The following TRIO variants were observed in gnomAD, a reference collection of about 807,000 sequenced individuals.
TRIO encodes the protein triple functional domain protein.
In TRIO, 58 loss-of-function variants were observed where a neutral mutation model predicts 351.9. The ratio of observed to expected loss-of-function variants is 0.16; its 90% confidence interval spans 0.13 to 0.21. TRIO has a LOEUF of 0.21. Ranked by LOEUF, TRIO falls within the 10% of genes least tolerant of loss-of-function variation. The probability of loss-of-function intolerance (pLI) is 1.00; values close to 1 mark genes in which losing one functional copy is unlikely to be tolerated. For missense variants in TRIO, 3,201 were observed against 4,027.8 expected (o/e 0.79, Z 5.56); for synonymous variants, 1,758 against 1,595.7 (o/e 1.10, Z -2.42).
intron 9 of TRIO, among the ~76,000 whole-genome samples, chr5:14,328,251 G>A (rs754899523): frequency 7.9e-5 from 12 of 152,084 alleles, no homozygotes; most frequent in Non-Finnish European, 1.8e-4. Flanking sequence ...AAAACAATGT[G>A]CAAGTTAAAA....
chr5:14,147,254 G>C (rs544913729), intron 1 of TRIO, among the ~76,000 whole-genome samples: 1 of 152,312 alleles, frequency 6.6e-6, no homozygotes, highest in South Asian at 2.1e-4. Context: ...TTGCCCCCCA[G>C]AGTGGAACTT....
At chr5:14,458,689 G>T (rs528508646) in intron 34 of TRIO, among the ~76,000 whole-genome samples, 1 of 152,216 alleles carries the variant, frequency 6.6e-6, no homozygotes, top group East Asian at 1.9e-4. Context: ...GCAGTGCAGG[G>T]TTCTGCTAGC....
At chr5:14,316,383 A>G (rs956120971) in intron 8 of TRIO, 130 bp from the exon 9 acceptor site, 10 of 839,824 alleles carry the variant, frequency 1.2e-5, no homozygotes, top group South Asian at 1.8e-5. Flanking sequence ...ATGTCTGGGC[A>G]TGTGTGTAAT....
intron 1 of TRIO, among the ~76,000 whole-genome samples, chr5:14,146,449 TTTC>T (rs1787529261): frequency 6.6e-6 from 1 of 152,240 alleles, no homozygotes; most frequent in African/African-American, 2.4e-5. Flanking sequence ...CCTGATTTTC[TTTC>T]TTTTTTTTAA....
chr5:14,343,524 G>C (rs144462404), intron 11 of TRIO, among the ~76,000 whole-genome samples: 7 of 152,144 alleles, frequency 4.6e-5, no homozygotes, highest in African/African-American at 1.7e-4. Context: ...AACTTTTTGA[G>C]ATGGCTTTTT....
intron 25 of TRIO, among the ~76,000 whole-genome samples, chr5:14,389,823 C>T (rs895908461): frequency 2.0e-5 from 3 of 152,062 alleles, no homozygotes; most frequent in African/African-American, 7.2e-5. Context: ...ATGCATTTTC[C>T]TTTGGCCACA....
intron 3 of TRIO, among the ~76,000 whole-genome samples, chr5:14,281,428 C>G (rs1314401551): frequency 4.7e-5 from 5 of 105,378 alleles, no homozygotes; most frequent in East Asian, 6.8e-4. Flanking sequence ...GTTAGAACCC[C>G]CCCCCCCCGC....
intron 8 of TRIO, among the ~76,000 whole-genome samples, chr5:14,315,493 C>A (rs141318950): frequency 3.3e-5 from 5 of 152,030 alleles, no homozygotes; most frequent in African/African-American, 1.2e-4. Context: ...CCTTGTGATC[C>A]GCCTGCCTCG....
chr5:14,366,086 A>G (rs570049195), intron 15 of TRIO, among the ~76,000 whole-genome samples: 10 of 152,232 alleles, frequency 6.6e-5, no homozygotes, highest in Admixed American at 2.0e-4. Flanking sequence ...CCCCAGACAC[A>G]GAGTGGTTTT....
At chr5:14,457,250 C>A (rs1178178042) in intron 34 of TRIO, among the ~76,000 whole-genome samples, 1 of 151,940 alleles carries the variant, frequency 6.6e-6, no homozygotes, top group African/African-American at 2.4e-5. Context: ...AATGTCACTT[C>A]CGTCATTCAA....
At chr5:14,398,656 A>G (rs1747813757) in intron 29 of TRIO, among the ~76,000 whole-genome samples, 1 of 152,206 alleles carries the variant, frequency 6.6e-6, no homozygotes, top group East Asian at 1.9e-4. Flanking sequence ...AGGAATCGCA[A>G]AATGTTTTTG....
chr5:14,496,286 A>AT (rs1756889913), intron 49 of TRIO, among the ~76,000 whole-genome samples: 1 of 152,210 alleles, frequency 6.6e-6, no homozygotes, highest in Admixed American at 6.5e-5. Context: ...TCTAAAAGGT[A>AT]TGCCTGTCTA....
chr5:14,260,567 A>AT (rs1224918041), intron 1 of TRIO, among the ~76,000 whole-genome samples: 2 of 152,316 alleles, frequency 1.3e-5, no homozygotes, highest in Middle Eastern at 3.4e-3. Flanking sequence ...TTAAAGATTT[A>AT]TTTTTGTACT....
chr5:14,231,088 T>C (rs1003652190), intron 1 of TRIO, among the ~76,000 whole-genome samples: 1 of 152,250 alleles, frequency 6.6e-6, no homozygotes, highest in Non-Finnish European at 1.5e-5. Context: ...CTTTGTTTGC[T>C]CTTTTAACAA....
chr5:14,374,337 G>C lies in TRIO; in HGVS notation c.3325G>C (p.Val1109Leu). 6.2e-7 allele frequency: 1 copy of C among 1,612,596 alleles called. No homozygotes were observed. Among genetic ancestry groups the C allele is most frequent in the Non-Finnish European group, 8.5e-7 (1 of 1,179,090 alleles). ...VTHIKAPEQQVKNILNELFQR... is the reference protein window; with the variant it reads ...VTHIKAPEQQLKNILNELFQR... ...GCACATCAAAGCTCCTGAACAGCAAGTGAAAAGTGAGTAGAGCTGGGAGTC... is the reference window on the plus strand; with the variant it reads ...GCACATCAAAGCTCCTGAACAGCAACTGAAAAGTGAGTAGAGCTGGGAGTC... Residue 1109 changes from valine (V) to leucine (L), a missense_variant, in exon 19 of 57, where the codon GTG (valine) becomes CTG (leucine). This residue lies in a region of TRIO where 201 missense variants were observed against 266.5 expected (regional missense o/e 0.75). Coordinates refer to ENST00000344204, the MANE Select transcript of TRIO (RefSeq NM_007118.4).
intron 33 of TRIO, among the ~76,000 whole-genome samples, chr5:14,409,263 T>A (rs1748979973): frequency 6.6e-6 from 1 of 151,764 alleles, no homozygotes; most frequent in African/African-American, 2.4e-5. Flanking sequence ...TAGCACGACT[T>A]CACATCTGTT....
intron 10 of TRIO, among the ~76,000 whole-genome samples, chr5:14,335,705 C>T (rs1029791910): frequency 1.3e-5 from 2 of 152,188 alleles, no homozygotes; most frequent in African/African-American, 4.8e-5. Flanking sequence ...TGGTTCATGC[C>T]TGTAATCCTG....
chr5:14,388,025 T>C (rs772052122), intron 23 of TRIO, 178 bp downstream of exon 23: 20 of 597,662 alleles, frequency 3.3e-5, no homozygotes, highest in Non-Finnish European at 5.3e-5. Flanking sequence ...TCTTATCACC[T>C]GGTTCAGAAA....
intron 1 of TRIO, among the ~76,000 whole-genome samples, chr5:14,190,167 G>A (rs1490477173): frequency 1.3e-5 from 2 of 152,070 alleles, no homozygotes; most frequent in Non-Finnish European, 2.9e-5. Context: ...TTGAATAGAG[G>A]GAGAGAAATC....
Sources: allele counts gnomAD v4.1 joint callset (sites outside exome capture counted in the v4.1 genomes callset), GRCh38; gene constraint gnomAD v4.1.1; regional missense constraint gnomAD v4.1.1; transcripts MANE v1.5; gene names NCBI Gene and HGNC (gene_info 2026-07-23, HGNC 2026-07-21).